Variants in MYOM2 observed in about 807,000 individuals in gnomAD.
The protein encoded by MYOM2 is myomesin-2.
A neutral mutation model predicts 187.6 loss-of-function variants in MYOM2; 254 were observed. The observed-to-expected ratio is 1.35, with a 90% confidence interval of 1.22 to 1.50. The LOEUF is 1.50. Among genes scored for constraint, MYOM2 ranks in the 40% most tolerant of loss-of-function variants. The probability of loss-of-function intolerance (pLI) is 0.00; values close to 1 mark genes in which losing one functional copy is unlikely to be tolerated. For synonymous variants in MYOM2, 981 were observed against 753.8 expected (o/e 1.30, Z -4.94); for missense variants, 2,796 against 1,924.0 (o/e 1.45, Z -8.48).
At chr8:2,050,639 TCCCAAGG>T in intron 1 of MYOM2, 109 bp from the exon 2 acceptor site, 1 of 573,570 alleles carries the variant, frequency 1.7e-6, no homozygotes, top group Non-Finnish European at 3.1e-6. Flanking sequence ...TTTTTTCCCT[TCCCAAGG>T]GGGTTTTATT....
chr8:2,045,821 C>A (rs1312585401), intron 1 of MYOM2, among the ~76,000 whole-genome samples: 1 of 152,224 alleles, frequency 6.6e-6, no homozygotes, highest in Non-Finnish European at 1.5e-5. Flanking sequence ...TCTTGAAATG[C>A]AACCTGCTGG....
chr8:2,136,374 T>A (rs1272129563), intron 32 of MYOM2, among the ~76,000 whole-genome samples: 1 of 152,078 alleles, frequency 6.6e-6, no homozygotes, highest in Non-Finnish European at 1.5e-5. Context: ...GCCAGAAGCA[T>A]GTGGGGTGCC....
At chr8:2,110,864 A>C (rs569314344) in intron 25 of MYOM2, among the ~76,000 whole-genome samples, 7 of 152,156 alleles carry the variant, frequency 4.6e-5, no homozygotes, top group South Asian at 2.1e-4. Context: ...GGATCATAGA[A>C]TTTTCTTCTC....
rs1797242185 is a variant in MYOM2 at position 2,116,279 on chromosome 8, A to C, written c.3385+4A>C. The C allele has an allele frequency of 6.2e-7, 1 of 1,612,068 alleles. No individual in the cohort carries two copies. The highest frequency in any genetic ancestry group is 1.3e-5 in the African/African-American group (1 of 74,990). ...AAAGAATTTCTCAGGAAACAAGGTG[A>C]GTTTCCTCACTCTGACCGGCTCCCC... On this transcript the variant is annotated splice_donor_region_variant and intron_variant, in intron 27 of 36. Transcript: ENST00000262113.
chr8:2,125,604 C>CTTTTTTTTTTTTTTTTTTT (rs35137852), intron 31 of MYOM2, among the ~76,000 whole-genome samples: 1 of 89,288 alleles, frequency 1.1e-5, no homozygotes. Context: ...ATTATTTTTC[C>CTTTTTTTTTTTTTTTTTTT]TTTTTTTTTT....
intron 13 of MYOM2, chr8:2,082,226 A>C (rs1819654728): frequency 6.6e-6 from 1 of 152,204 alleles, no homozygotes; most frequent in Non-Finnish European, 1.5e-5. Flanking sequence ...GGTTTTGGAA[A>C]GTTTATCTGT....
At chr8:2,055,405 C>G (rs1454434627) in intron 3 of MYOM2, among the ~76,000 whole-genome samples, 4 of 152,106 alleles carry the variant, frequency 2.6e-5, no homozygotes, top group South Asian at 2.1e-4. Context: ...AGAAGCCAGC[C>G]CATTAGAGGT....
chr8:2,072,883 C>G (rs1003634511), intron 9 of MYOM2, among the ~76,000 whole-genome samples: 3 of 152,224 alleles, frequency 2.0e-5, no homozygotes, highest in Non-Finnish European at 2.9e-5. Flanking sequence ...AGATTCTTTT[C>G]TTCCTTCCAT....
rs1025533754 is a variant in MYOM2 at position 2,091,297 on chromosome 8, G to A, written c.1829-1049G>A. ...GAACTCAAGGGATCCTCCCACCTTGGCCTCTCAAAATGTTGGGATTCCAGG... is the reference window on the plus strand; with the variant it reads ...GAACTCAAGGGATCCTCCCACCTTGACCTCTCAAAATGTTGGGATTCCAGG... On this transcript the variant is annotated intron_variant, in intron 15 of 36. Transcript: ENST00000262113. 2.0e-4 allele frequency among the ~76,000 whole-genome samples: 30 copies of A among 152,062 alleles called. 1 individual carries two copies. The highest frequency in any genetic ancestry group is 6.6e-5 in the Admixed American group (1 of 15,266).
At chr8:2,092,859 C>T (rs1290411767) in intron 16 of MYOM2, among the ~76,000 whole-genome samples, 5 of 151,704 alleles carry the variant, frequency 3.3e-5, no homozygotes, top group East Asian at 1.9e-4. Context: ...TTATTTTTTT[C>T]GTATTGATTT....
Position 2,072,239 on chromosome 8 carries a change from C to A in MYOM2, c.794-106C>A. On this transcript the variant is annotated intron_variant, in intron 8 of 36. Transcript: ENST00000262113. ...GAGCGAGACTCCGTCCCCCCGCCCC[C>A]CGCCCCCAAAAAAGAAAGATGCTCT... is the stretch of plus-strand genomic sequence containing the variant. 2 of 193,382 alleles carry A rather than the reference C, an allele frequency of 1.0e-5. 1 individual carries two copies. Among genetic ancestry groups the A allele is most frequent in the Non-Finnish European group, 2.0e-5 (2 of 98,686 alleles). 12.0% of individuals were successfully genotyped at this position (193,382 alleles called of 1,614,324 possible).
At position 2,102,769 on chromosome 8, in the gene MYOM2, G is replaced by C. The variant is rs1286632036; in HGVS notation, c.2722G>C (p.Glu908Gln). 2 of 1,613,480 alleles carry C rather than the reference G, an allele frequency of 1.2e-6. No individual in the cohort carries two copies. Among genetic ancestry groups the C allele is most frequent in the Non-Finnish European group, 1.7e-6 (2 of 1,179,398 alleles). Residue 908 changes from glutamate (E) to glutamine (Q), a missense_variant, in exon 21 of 37, where the codon GAG becomes CAG. Coordinates refer to ENST00000262113, the MANE Select transcript of MYOM2 (RefSeq NM_003970.4). ...PSDTSEPVLV[E>Q]ARPGTKEISA... is the part of the protein sequence containing the mutation. Reference sequence around the variant, plus strand: ...AGACACGTCGGAGCCTGTGCTGGTAGAGGCGAGACCAGGTAAGGCTTACAA... The same window carrying C: ...AGACACGTCGGAGCCTGTGCTGGTACAGGCGAGACCAGGTAAGGCTTACAA...
intron 13 of MYOM2, 110 bp downstream of exon 13, chr8:2,079,723 T>G: frequency 8.3e-7 from 1 of 1,202,458 alleles, no homozygotes; most frequent in South Asian, 1.2e-5. Context: ...GGCCTCTGCA[T>G]GGAAAAATGA....
At chr8:2,050,501 T>G (rs1255898219) in intron 1 of MYOM2, among the ~76,000 whole-genome samples, 6 of 152,224 alleles carry the variant, frequency 3.9e-5, no homozygotes, top group Admixed American at 3.9e-4. Context: ...GAGTTCACAA[T>G]GAAATGAAAC....
intron 14 of MYOM2, among the ~76,000 whole-genome samples, 159 bp downstream of exon 14, chr8:2,085,549 TGTCATGATCTCTGCGTGGCCC>T (rs1819823741): frequency 2.3e-4 from 8 of 34,706 alleles, no homozygotes; most frequent in Admixed American, 3.1e-4. Flanking sequence ...GTGGCCCCAC[TGTCATGATCTCTGCGTGGCCC>T]CACTGTTGTG....
chr8:2,144,671 A>C lies in MYOM2; in HGVS notation c.4088A>C (p.Asn1363Thr). The C allele has an allele frequency of 6.2e-7, 1 of 1,613,652 alleles. No individual in the cohort carries two copies. The change falls in exon 37 of 37, where the codon AAT (asparagine) becomes ACT (threonine). Residue 1363 changes from asparagine (N) to threonine (T), a missense_variant. Asn to Thr is a moderately conservative substitution (Grantham distance 65). Coordinates refer to ENST00000262113, the MANE Select transcript of MYOM2 (RefSeq NM_003970.4). The part of the protein sequence containing the change: ...VVTIMEGKTL[N>T]LTCTVFGNPD... ...AACCTCTTCCGTCCAAAGACCTTGA[A>C]TCTGACCTGCACGGTGTTTGGAAAC...
intron 6 of MYOM2, among the ~76,000 whole-genome samples, chr8:2,060,672 G>T (rs1451639057): frequency 1.3e-5 from 2 of 152,198 alleles, no homozygotes; most frequent in Non-Finnish European, 2.9e-5. Flanking sequence ...GCTCAGGAGG[G>T]TGAACACAAA....
At chr8:2,094,230 C>G in intron 17 of MYOM2, 139 bp downstream of exon 17, 1 of 1,105,480 alleles carries the variant, frequency 9.0e-7, no homozygotes, top group Non-Finnish European at 1.3e-6. Flanking sequence ...ACTTGAGTTT[C>G]TTTGAAGCCT....
In MYOM2 at chr8:2,144,709, G is replaced by T. The variant is rs745722590; in HGVS notation, c.4126G>T (p.Val1376Leu). The change falls in exon 37 of 37, where the codon GTG becomes TTG. Residue 1376 changes from valine to leucine, a missense_variant. By Grantham distance (32) the Val-to-Leu change is conservative. Transcript: ENST00000262113. Reference protein sequence around the residue: ...CTVFGNPDPEVIWFKNDQDIQ... With the variant: ...CTVFGNPDPELIWFKNDQDIQ... ...GGTGTTTGGAAACCCTGACCCCGAA[G>T]TGATTTGGTTCAAGAACGACCAGGA... is the stretch of plus-strand genomic sequence containing the variant. 38 of 1,613,800 alleles carry T rather than the reference G, an allele frequency of 2.4e-5. No individual in the cohort carries two copies. Among genetic ancestry groups the T allele is most frequent in the Non-Finnish European group, 3.2e-5 (38 of 1,180,030 alleles).
Sources: allele counts gnomAD v4.1 joint callset (sites outside exome capture counted in the v4.1 genomes callset), GRCh38; gene constraint gnomAD v4.1.1; transcripts MANE v1.5; gene names NCBI Gene and HGNC (gene_info 2026-07-23, HGNC 2026-07-21).